SPMIP8: variants seen among roughly 807,000 people sequenced by gnomAD.
The protein encoded by SPMIP8 is sperm microtubule inner protein 8.
chr16:57,983,157 C>A, the SPMIP8 span, among the ~76,000 whole-genome samples: 4 of 152,300 alleles, frequency 2.6e-5, no homozygotes, highest in Non-Finnish European at 4.4e-5. Context: ...CGCTATGCCA[C>A]CCAGGCTGGA....
chr16:57,985,148 G>A, the SPMIP8 span: 3 of 1,361,386 alleles, frequency 2.2e-6, no homozygotes, highest in African/African-American at 4.5e-5. Flanking sequence ...AGATGAGGAG[G>A]CGGGGCTTGT....
the SPMIP8 span, among the ~76,000 whole-genome samples, chr16:57,982,098 AT>A: frequency 6.6e-6 from 1 of 152,194 alleles, no homozygotes; most frequent in African/African-American, 2.4e-5. Context: ...GATTTTTGCC[AT>A]ATTTTTGCTT....
At chr16:57,978,423 C>T in the SPMIP8 span, among the ~76,000 whole-genome samples, 1 of 151,936 alleles carries the variant, frequency 6.6e-6, no homozygotes, top group Non-Finnish European at 1.5e-5. Flanking sequence ...ACCTGTAATC[C>T]CAGCTACTTG....
chr16:57,978,075 G>A, the SPMIP8 span: 61 of 1,584,204 alleles, frequency 3.9e-5, no homozygotes, highest in Non-Finnish European at 4.9e-5. Context: ...TTTGGGGAAG[G>A]GGCAGATGGT....
the SPMIP8 span, chr16:57,984,205 C>A: frequency 1.5e-6 from 2 of 1,291,152 alleles, no homozygotes; most frequent in East Asian, 4.6e-5. Context: ...TGCCCGGCCT[C>A]AAAAAATTTT....
At chr16:57,980,511 C>G in the SPMIP8 span, among the ~76,000 whole-genome samples, 1 of 152,176 alleles carries the variant, frequency 6.6e-6, no homozygotes, top group Non-Finnish European at 1.5e-5. Flanking sequence ...TGAAATCAGC[C>G]TCTTATGCAA....
the SPMIP8 span, chr16:57,985,278 C>T: frequency 5.8e-6 from 9 of 1,556,322 alleles, no homozygotes; most frequent in African/African-American, 9.7e-5. Context: ...GTAGGGAGCG[C>T]TGCGCGCAGA....
the SPMIP8 span, chr16:57,985,049 C>A: frequency 9.0e-7 from 1 of 1,108,514 alleles, no homozygotes; most frequent in Non-Finnish European, 1.2e-6. Flanking sequence ...GGGGCTTTGC[C>A]CTGGTGGGGC....
the SPMIP8 span, among the ~76,000 whole-genome samples, chr16:57,981,436 T>TAATAAC: frequency 6.9e-6 from 1 of 144,564 alleles, no homozygotes; most frequent in Non-Finnish European, 1.5e-5. Context: ...ATTATTATAA[T>TAATAAC]TTGGTATCTT....
chr16:57,987,200 C>T, the SPMIP8 span: 99 of 459,712 alleles, frequency 2.2e-4, 1 homozygote, highest in African/African-American at 1.9e-3. Flanking sequence ...AAGGATGAGG[C>T]ACAGTCAAAG....
At chr16:57,985,608 G>T in the SPMIP8 span, 11 of 1,516,372 alleles carry the variant, frequency 7.3e-6, no homozygotes, top group Admixed American at 2.2e-5. Flanking sequence ...GGTCTGGGCC[G>T]CTTTCCTAGC....
At chr16:57,984,278 T>C in the SPMIP8 span, 3 of 1,611,432 alleles carry the variant, frequency 1.9e-6, no homozygotes, top group African/African-American at 1.3e-5. Context: ...GAGACACCTC[T>C]TCTCCCTTTC....
At chr16:57,985,695 A>T in the SPMIP8 span, 10 of 1,235,642 alleles carry the variant, frequency 8.1e-6, no homozygotes, top group South Asian at 1.6e-4. Flanking sequence ...TTGCAATTTC[A>T]AATGAATACA....
chr16:57,985,296 C>A, the SPMIP8 span: 1 of 1,556,196 alleles, frequency 6.4e-7, no homozygotes, highest in Non-Finnish European at 8.7e-7. Flanking sequence ...AGACCCGTCC[C>A]TGAGCGGGGA....
the SPMIP8 span, chr16:57,985,484 C>T: frequency 1.2e-6 from 2 of 1,613,880 alleles, no homozygotes; most frequent in Middle Eastern, 1.6e-4. Flanking sequence ...CGCCTCAGTA[C>T]TGCCTCAGCC....
chr16:57,979,735 TC>T, the SPMIP8 span, among the ~76,000 whole-genome samples: 1 of 152,048 alleles, frequency 6.6e-6, no homozygotes, highest in Non-Finnish European at 1.5e-5. Flanking sequence ...GTTATTTTGC[TC>T]CCCAACTTTT....
At chr16:57,985,897 G>A in the SPMIP8 span, 5 of 1,611,004 alleles carry the variant, frequency 3.1e-6, no homozygotes, top group Admixed American at 3.4e-5. Context: ...CACCCGCCCC[G>A]TTCTTTCCCA....
At chr16:57,984,536 C>A in the SPMIP8 span, 4,053 of 1,496,580 alleles carry the variant, frequency 2.7e-3, 60 homozygotes, top group South Asian at 0.031. Flanking sequence ...TCCAATGCAC[C>A]GGGCCACTTG....
the SPMIP8 span, among the ~76,000 whole-genome samples, chr16:57,977,630 T>C: frequency 6.6e-6 from 1 of 151,070 alleles, no homozygotes. Flanking sequence ...CTCTGTTATC[T>C]TCTGTTATCT....
Sources: gnomAD v4.1 joint callset for allele counts (sites outside exome capture counted in the v4.1 genomes callset) on GRCh38, gnomAD v4.1.1 for gene constraint, MANE v1.5 for transcripts, NCBI Gene and HGNC (gene_info 2026-07-23, HGNC 2026-07-21) for gene names.